Variants in CCDC40 observed in about 807,000 individuals in gnomAD.
CCDC40 encodes the protein coiled-coil domain-containing protein 40.
CCDC40 carries 104 observed loss-of-function variants against 124.5 expected under a neutral mutation model. That is an observed-to-expected ratio of 0.84 (90% CI 0.71 to 0.98). The LOEUF (loss-of-function observed/expected upper bound fraction) is 0.98. Ranked by LOEUF, CCDC40 falls within the 50% of genes least tolerant of loss-of-function variation. The pLI is 0.00. For synonymous variants in CCDC40, 580 were observed against 602.9 expected, an observed-to-expected ratio of 0.96 and a Z score of 0.56; for missense variants, 1,463 against 1,503.9, an observed-to-expected ratio of 0.97 and a Z score of 0.45.
intron 10 of CCDC40, among the ~76,000 whole-genome samples, chr17:80,077,681 GC>G (rs1232661976): frequency 2.6e-5 from 4 of 152,228 alleles, no homozygotes; most frequent in Admixed American, 2.6e-4. Context: ...ATAGCCATTA[GC>G]AAATGTGTGG....
intron 10 of CCDC40, among the ~76,000 whole-genome samples, chr17:80,078,700 T>A (rs550435607): frequency 6.6e-6 from 1 of 152,324 alleles, no homozygotes; most frequent in East Asian, 1.9e-4. Flanking sequence ...AATCTTGAAA[T>A]CAGATAGTCT....
chr17:80,081,679 C>T lies in CCDC40; in HGVS notation c.1696C>T (p.Gln566Ter), dbSNP rs747620444. ...GACAGAGACGGAAGCCACACTGCTG[C>T]AGAAGCTCACCACCCAGTGCCTGAC... is the stretch of plus-strand genomic sequence containing the variant. ...NRTETEATLL[Q>*]KLTTQCLTKQ... The change falls in exon 11 of 20, where the codon CAG becomes TAG. Residue 566 changes from glutamine (Q) to a stop codon, truncating the protein, a stop_gained. Coordinates refer to ENST00000397545, the MANE Select transcript of CCDC40 (RefSeq NM_017950.4). LOFTEE classifies it high-confidence loss of function. The T allele has an allele frequency of 6.2e-7, 1 of 1,614,216 alleles. No individual in the cohort carries two copies. Among genetic ancestry groups the T allele is most frequent in the Non-Finnish European group, 8.5e-7 (1 of 1,180,042 alleles).
At chr17:80,067,490 T>C in intron 10 of CCDC40, 2 of 1,103,502 alleles carry the variant, frequency 1.8e-6, no homozygotes, top group African/African-American at 1.5e-5. Flanking sequence ...CCTCTTTGCT[T>C]TTTCCATTTA....
chr17:80,071,885 G>A (rs149062002), intron 10 of CCDC40, among the ~76,000 whole-genome samples: 49 of 132,036 alleles, frequency 3.7e-4, no homozygotes, highest in African/African-American at 1.2e-3. Flanking sequence ...CGCCCAGGCT[G>A]GAGTGCAATG....
chr17:80,066,384 TA>T lies in CCDC40; in HGVS notation c.1562+781del. 1 of 557,098 alleles carries T rather than the reference TA, an allele frequency of 1.8e-6. No individual in the cohort carries two copies. 34.5% of individuals were successfully genotyped at this position (557,098 alleles called of 1,614,324 possible). A position where few individuals can be genotyped will look rare whatever the true frequency, so the allele number is the denominator to read the frequency against. ...TGCTTTTCCTTTTGGGTGCTGTGAT[TA>T]AAGAAACAAAATGAAACCATTTTGT... On this transcript the variant is annotated intron_variant, in intron 10 of 19. Coordinates refer to ENST00000397545, the MANE Select transcript of CCDC40 (RefSeq NM_017950.4). This position sits in a 1 kb window ranked among gnomAD's most constrained non-coding sequence, Gnocchi z 4.4.
In CCDC40 at chr17:80,067,570, G is replaced by A. The variant is rs1392646048; in HGVS notation, c.1562+1964G>A. Reference sequence around the variant, plus strand: ...GCTCGTTCCCGCCTTTCTACCACATGGCATTCCGCTGGGATACTTCTACGG... The same window carrying A: ...GCTCGTTCCCGCCTTTCTACCACATAGCATTCCGCTGGGATACTTCTACGG... On this transcript the variant is annotated intron_variant, in intron 10 of 19. Coordinates refer to ENST00000397545, the MANE Select transcript of CCDC40 (RefSeq NM_017950.4). 3.3e-6 allele frequency: 5 copies of A among 1,535,396 alleles called. No homozygotes were observed. In the African/African-American group the frequency reaches 6.8e-5, roughly 21 times the overall value.
Position 80,088,105 on chromosome 17 carries a change from G to A in CCDC40, c.2711+3G>A. 6.2e-7 allele frequency: 1 copy of A among 1,608,632 alleles called. No homozygotes were observed. Among genetic ancestry groups the A allele is most frequent in the Non-Finnish European group, 8.5e-7 (1 of 1,175,048 alleles). ...CTGAATCAACTGGTGGAAGCAGAGT[G>A]AGTCCCAGTCTCCAGCCACACGTGG... On this transcript the variant is annotated splice_donor_region_variant and intron_variant, in intron 16 of 19. Coordinates refer to ENST00000397545, the MANE Select transcript of CCDC40 (RefSeq NM_017950.4).
chr17:80,040,316 C>T (rs770172112), intron 3 of CCDC40, 46 bp downstream of exon 3: 12 of 1,548,904 alleles, frequency 7.7e-6, no homozygotes, highest in African/African-American at 2.7e-5. Context: ...GCACGGCCCA[C>T]GGGGTTTGTC....
intron 18 of CCDC40, among the ~76,000 whole-genome samples, chr17:80,095,791 G>A (rs542128442): frequency 1.3e-5 from 2 of 152,362 alleles, no homozygotes; most frequent in South Asian, 4.1e-4. Flanking sequence ...ACCCAGAGAC[G>A]GCCGTGTTTC....
In CCDC40 at chr17:80,038,184, A is replaced by G. The variant is rs748526550; in HGVS notation, c.91A>G (p.Met31Val). 3.8e-6 allele frequency: 6 copies of G among 1,596,766 alleles called. No homozygotes were observed. The highest frequency in any genetic ancestry group is 2.2e-5 in the East Asian group (1 of 44,758). Residue 31 changes from methionine (M) to valine (V), a missense_variant and splice_region_variant, in exon 2 of 20, where the codon ATG becomes GTG. Transcript: ENST00000397545. ...GEKEGNNESHMVSPPEKDDGQ... is the reference protein window; with the variant it reads ...GEKEGNNESHVVSPPEKDDGQ... The stretch of plus-strand genomic sequence containing the variant: ...GAAGGAAGGGAATAATGAAAGCCAC[A>G]TGGTAAAATTCCCTATGGGCAGTTA...
chr17:80,046,138 A>G (rs532565879), intron 3 of CCDC40, among the ~76,000 whole-genome samples: 2 of 152,346 alleles, frequency 1.3e-5, no homozygotes, highest in South Asian at 4.1e-4. Flanking sequence ...CTCAAAATTT[A>G]ACATGATTGT....
rs191853393 is a variant in CCDC40 at position 80,041,802 on chromosome 17, G to A, written c.552+1532G>A. ...CATGAGGCTTTAGTGGGACTATCAC[G>A]GAAGCGACGTGGGGCTCTCAGTGCG... is the stretch of plus-strand genomic sequence containing the variant. On this transcript the variant is annotated intron_variant, in intron 3 of 19. Transcript: ENST00000397545. Among the ~76,000 whole-genome samples the A allele has an allele frequency of 4.4e-4, 67 of 152,192 alleles. No individual in the cohort carries two copies. In the East Asian group the frequency reaches 0.011, roughly 26 times the overall value.
intron 13 of CCDC40, 103 bp downstream of exon 13, chr17:80,085,091 C>A: frequency 7.1e-7 from 1 of 1,414,442 alleles, no homozygotes; most frequent in Non-Finnish European, 9.7e-7. Context: ...TCCTGGAAGG[C>A]ACAGAACTGC....
At position 80,055,232 on chromosome 17, in the gene CCDC40, G is replaced by A. The variant is rs538822414; in HGVS notation, c.1160-3262G>A. The stretch of plus-strand genomic sequence containing the variant: ...AGACTGTTTTGGAGGCTCCAGCAAC[G>A]CAAAGAAAACAAGAGAAAGAAATGA... On this transcript the variant is annotated intron_variant, in intron 7 of 19. Coordinates refer to ENST00000397545, the MANE Select transcript of CCDC40 (RefSeq NM_017950.4). Among the ~76,000 whole-genome samples the A allele has an allele frequency of 4.6e-5, 7 of 152,148 alleles. No homozygotes were observed. The East Asian group carries it at 5.8e-4, about 13-fold the overall frequency.
Position 80,086,188 on chromosome 17 carries a change from C to A in CCDC40, c.2421C>A (p.Ile807=). 1 of 1,612,198 alleles carries A rather than the reference C, an allele frequency of 6.2e-7. No individual in the cohort carries two copies. The highest frequency in any genetic ancestry group is 8.5e-7 in the Non-Finnish European group (1 of 1,179,154). ...ACGCATCCAAGAAGGAGCTCCACAT[C>A]ATGGAGCAGAAGAAACTACGAGTAG... ...SLDASKKELH[I]MEQKKLRVES... The change falls in exon 14 of 20, where the codon ATC becomes ATA. Residue 807 remains isoleucine (I), a synonymous_variant. Coordinates refer to ENST00000397545, the MANE Select transcript of CCDC40 (RefSeq NM_017950.4). The surrounding 1 kb of genome is among the most constrained non-coding windows in gnomAD (Gnocchi z 5.5).
intron 10 of CCDC40, 116 bp downstream of exon 10, chr17:80,065,722 T>A: frequency 7.2e-7 from 1 of 1,388,056 alleles, no homozygotes; most frequent in African/African-American, 1.4e-5. Context: ...GGGTGCACCT[T>A]GATCCCCGGG....
chr17:80,095,538 G>A, intron 18 of CCDC40, 87 bp downstream of exon 18: 1 of 1,319,920 alleles, frequency 7.6e-7, no homozygotes. Context: ...GCTGGGTCCG[G>A]GGTGAGGATG....
At chr17:80,094,352 C>T (rs940545220) in intron 17 of CCDC40, among the ~76,000 whole-genome samples, 4 of 151,444 alleles carry the variant, frequency 2.6e-5, no homozygotes, top group South Asian at 2.1e-4. Flanking sequence ...GTGGAAGTTG[C>T]GGTGAGACGA....
intron 10 of CCDC40, among the ~76,000 whole-genome samples, chr17:80,079,545 C>T (rs928226484): frequency 3.3e-5 from 5 of 152,098 alleles, no homozygotes; most frequent in Non-Finnish European, 5.9e-5. Context: ...TCATCCTCAT[C>T]GATCCATAAT....
Sources: allele counts gnomAD v4.1 joint callset (sites outside exome capture counted in the v4.1 genomes callset), GRCh38; gene constraint gnomAD v4.1.1; non-coding constraint Gnocchi (gnomAD v3.1); transcripts MANE v1.5; gene names NCBI Gene and HGNC (gene_info 2026-07-23, HGNC 2026-07-21).